The following GSK3B variants were observed in gnomAD, a reference collection of about 807,000 sequenced individuals.
GSK3B encodes the protein glycogen synthase kinase 3 beta.
Under a neutral mutation model 56.4 loss-of-function variants are expected in GSK3B, and 15 were observed. The ratio of observed to expected loss-of-function variants is 0.27; its 90% confidence interval spans 0.18 to 0.41. The LOEUF is 0.41. Ranked by LOEUF, GSK3B falls within the 10% of genes least tolerant of loss-of-function variation. GSK3B has a pLI of 1.00. For synonymous variants in GSK3B, 181 were observed against 188.9 expected, an observed-to-expected ratio of 0.96 and a Z score of 0.34; for missense variants, 300 against 513.4, an observed-to-expected ratio of 0.58 and a Z score of 4.02.
intron 1 of GSK3B, among the ~76,000 whole-genome samples, chr3:120,073,872 T>C (rs1240760904): frequency 1.3e-5 from 2 of 151,878 alleles, no homozygotes; most frequent in Non-Finnish European, 2.9e-5. Context: ...AGACAACCCA[T>C]GGAGAAAAAC....
chr3:119,890,889 A>G (rs2056494231), intron 7 of GSK3B, among the ~76,000 whole-genome samples: 1 of 152,078 alleles, frequency 6.6e-6, no homozygotes, highest in Admixed American at 6.6e-5. Context: ...GAACTATTTT[A>G]TATACAATAT....
intron 2 of GSK3B, among the ~76,000 whole-genome samples, chr3:119,972,504 C>T (rs747873606): frequency 7.2e-5 from 11 of 152,168 alleles, no homozygotes; most frequent in South Asian, 2.1e-4. Flanking sequence ...GGTGCGATCT[C>T]GGCTCACTGC....
intron 2 of GSK3B, among the ~76,000 whole-genome samples, chr3:119,983,853 G>C (rs974140634): frequency 6.6e-6 from 1 of 152,184 alleles, no homozygotes; most frequent in Non-Finnish European, 1.5e-5. Context: ...GCAACAAGCA[G>C]ACCTAATAGA....
At chr3:119,875,068 C>T (rs1424463308) in intron 8 of GSK3B, among the ~76,000 whole-genome samples, 2 of 152,156 alleles carry the variant, frequency 1.3e-5, no homozygotes, top group Non-Finnish European at 2.9e-5. Flanking sequence ...TCTCAGACTA[C>T]TTAGTGCTTA....
intron 2 of GSK3B, among the ~76,000 whole-genome samples, chr3:119,984,042 A>G (rs1435219522): frequency 5.3e-5 from 8 of 152,364 alleles, no homozygotes; most frequent in African/African-American, 1.7e-4. Flanking sequence ...AGAACTCAGG[A>G]TTAAGAAACT....
chr3:119,841,806 G>GATC (rs1285618438), intron 10 of GSK3B, among the ~76,000 whole-genome samples: 1 of 152,174 alleles, frequency 6.6e-6, no homozygotes, highest in Non-Finnish European at 1.5e-5. Flanking sequence ...CAAGAAAAGA[G>GATC]ATCTTTCTTT....
At position 119,996,759 on chromosome 3, in the gene GSK3B, T is replaced by C. The variant is rs184783555; in HGVS notation, c.282+5287A>G. The stretch of plus-strand genomic sequence containing the variant: ...TCTTTAGAACCTTCTTAAAAAGGAA[T>C]AGTGATGAAAGATACAATGATTAGA... On this transcript the variant is annotated intron_variant, in intron 2 of 10. Coordinates refer to ENST00000264235, the MANE Select transcript of GSK3B (RefSeq NM_001146156.2). Among the ~76,000 whole-genome samples, 596 of 152,226 alleles carry C rather than the reference T, an allele frequency of 3.9e-3. 6 individuals are homozygous for C. Among genetic ancestry groups the C allele is most frequent in the Admixed American group, 0.015 (225 of 15,300 alleles).
intron 2 of GSK3B, among the ~76,000 whole-genome samples, chr3:119,974,408 C>G (rs558313301): frequency 6.6e-6 from 1 of 151,810 alleles, no homozygotes; most frequent in South Asian, 2.1e-4. Context: ...TATGAGGACT[C>G]TGAGATTAAT....
chr3:120,015,424 G>T (rs1158063818), intron 1 of GSK3B, among the ~76,000 whole-genome samples: 1 of 152,060 alleles, frequency 6.6e-6, no homozygotes, highest in African/African-American at 2.4e-5. Flanking sequence ...GCCGAGGCGG[G>T]TGGATCATGA....
chr3:120,051,715 A>G (rs1254215356), intron 1 of GSK3B, among the ~76,000 whole-genome samples: 1 of 151,634 alleles, frequency 6.6e-6, no homozygotes, highest in Non-Finnish European at 1.5e-5. Flanking sequence ...CACAGTGAGC[A>G]GAGATCATGC....
intron 7 of GSK3B, among the ~76,000 whole-genome samples, chr3:119,890,616 A>C (rs2056490725): frequency 6.6e-6 from 1 of 152,050 alleles, no homozygotes; most frequent in South Asian, 2.1e-4. Context: ...AGGGTGATAG[A>C]AATGTTCTAA....
intron 1 of GSK3B, among the ~76,000 whole-genome samples, chr3:120,006,410 G>C (rs561319291): frequency 6.6e-6 from 1 of 152,064 alleles, no homozygotes; most frequent in Admixed American, 6.6e-5. Context: ...TGGACCAAGC[G>C]GACCTAATAG....
chr3:119,848,508 G>A (rs529478814), intron 9 of GSK3B, among the ~76,000 whole-genome samples: 3 of 151,814 alleles, frequency 2.0e-5, no homozygotes, highest in East Asian at 1.9e-4. Flanking sequence ...TAGTACATTC[G>A]CAAGGTTTAT....
At chr3:119,965,175 C>T (rs2057308256) in intron 2 of GSK3B, among the ~76,000 whole-genome samples, 1 of 150,684 alleles carries the variant, frequency 6.6e-6, no homozygotes, top group African/African-American at 2.4e-5. Context: ...GCCTCAGCCT[C>T]CCAAGTAGCT....
chr3:120,055,442 A>G (rs1559893616), intron 1 of GSK3B, among the ~76,000 whole-genome samples: 1 of 152,182 alleles, frequency 6.6e-6, no homozygotes, highest in Non-Finnish European at 1.5e-5. Context: ...GCGACAAAAT[A>G]TTCTTTTTTG....
At chr3:119,981,625 G>A (rs985578357) in intron 2 of GSK3B, among the ~76,000 whole-genome samples, 5 of 152,254 alleles carry the variant, frequency 3.3e-5, no homozygotes, top group Admixed American at 6.5e-5. Context: ...TCTGTCAGGC[G>A]GCAGCCTGGC....
chr3:119,893,546 A>G (rs1157404646), intron 7 of GSK3B, among the ~76,000 whole-genome samples: 3 of 152,094 alleles, frequency 2.0e-5, no homozygotes, highest in Non-Finnish European at 4.4e-5. Context: ...GATTTTCATC[A>G]TTTTTCAGAG....
At chr3:119,995,375 AAGTG>A (rs1489817445) in intron 2 of GSK3B, among the ~76,000 whole-genome samples, 2 of 151,992 alleles carry the variant, frequency 1.3e-5, no homozygotes, top group African/African-American at 4.8e-5. Flanking sequence ...GAAACTGCAA[AAGTG>A]AGTGTGATAA....
intron 1 of GSK3B, among the ~76,000 whole-genome samples, chr3:120,031,865 T>C (rs1395838325): frequency 2.6e-5 from 4 of 152,220 alleles, no homozygotes; most frequent in Non-Finnish European, 4.4e-5. Flanking sequence ...TGTGGATAAA[T>C]GACTGAAATC....
Sources: allele counts gnomAD v4.1 joint callset (sites outside exome capture counted in the v4.1 genomes callset), GRCh38; gene constraint gnomAD v4.1.1; transcripts MANE v1.5; gene names NCBI Gene and HGNC (gene_info 2026-07-23, HGNC 2026-07-21).